The following ITSN1 variants were observed in gnomAD, a reference collection of about 807,000 sequenced individuals.
ITSN1 encodes intersectin 1, also known as intersectin-1.
Under a neutral mutation model 239.8 loss-of-function variants are expected in ITSN1, and 58 were observed. The observed-to-expected ratio is 0.24, with a 90% CI of 0.20 to 0.30. The LOEUF (loss-of-function observed/expected upper bound fraction) is 0.30. Ranked by LOEUF, ITSN1 falls within the 10% of genes least tolerant of loss-of-function variation. The pLI is 1.00. For missense variants in ITSN1, 1,558 were observed against 2,103.3 expected, an observed-to-expected ratio of 0.74 and a Z score of 5.07; for synonymous variants, 780 against 770.8, an observed-to-expected ratio of 1.01 and a Z score of -0.20.
At chr21:33,856,668 C>T in intron 29 of ITSN1, 68 bp from the exon 30 acceptor site, 1 of 1,606,020 alleles carries the variant, frequency 6.2e-7, no homozygotes, top group Admixed American at 1.7e-5. Context: ...CCACGAGGAT[C>T]TTCCGTGTGA....
intron 29 of ITSN1, among the ~76,000 whole-genome samples, chr21:33,852,576 A>T (rs1264803987): frequency 6.6e-6 from 1 of 152,176 alleles, no homozygotes; most frequent in Non-Finnish European, 1.5e-5. Context: ...AGACTCAAAA[A>T]ATCCTTCCAG....
rs185065206 is a variant in ITSN1, at chr21:33,707,487, T to A, written c.-32-11310T>A. Among the ~76,000 whole-genome samples the A allele has an allele frequency of 2.3e-3, 347 of 152,278 alleles. 1 individual carries two copies. The highest frequency in any genetic ancestry group is 8.1e-3 in the African/African-American group (337 of 41,564). ...TGAGCATATGCCTGTGAAATCATCA[T>A]TCCCAAGAGAGCAAACACTTCTGTT... On this transcript the variant is annotated intron_variant, in intron 1 of 39. Transcript: ENST00000381318.
At position 33,829,068 on chromosome 21, in the gene ITSN1, A is replaced by C. The variant is rs151166614; in HGVS notation, c.3230-556A>C. The C allele has an allele frequency of 2.4e-3, 1,104 of 461,146 alleles. 7 individuals carry two copies. Among genetic ancestry groups the C allele is most frequent in the African/African-American group, 0.02 (1,002 of 49,746 alleles). The allele number at this position is 461,146 out of a possible 1,614,324, so 28.6% of individuals were successfully genotyped here. A position where few individuals can be genotyped will look rare whatever the true frequency, so the allele number is the denominator to read the frequency against. On this transcript the variant is annotated intron_variant, in intron 26 of 39. Coordinates refer to ENST00000381318, the MANE Select transcript of ITSN1 (RefSeq NM_003024.3). ...CTCAAAATGTGAGCCATAAAGAAGA[A>C]GGCTGTGTCGTTGGGAGTGAGAATC...
chr21:33,806,706 A>AC (rs1332944988), intron 20 of ITSN1, among the ~76,000 whole-genome samples: 1 of 152,218 alleles, frequency 6.6e-6, no homozygotes, highest in Non-Finnish European at 1.5e-5. Context: ...CACTAGAATT[A>AC]CCCCCAAATA....
At chr21:33,679,698 CT>C (rs34301203) in intron 1 of ITSN1, among the ~76,000 whole-genome samples, 2,144 of 86,204 alleles carry the variant, frequency 0.025, 11 homozygotes, top group African/African-American at 0.095. Context: ...GATCCTTATC[CT>C]TTTTTTTTTT....
chr21:33,781,240 A>C lies in ITSN1; in HGVS notation c.1597-221A>C, dbSNP rs111636625. Among the ~76,000 whole-genome samples, 58 of 152,348 alleles carry C rather than the reference A, an allele frequency of 3.8e-4. 1 individual carries two copies. The highest frequency in any genetic ancestry group is 1.3e-3 in the African/African-American group (56 of 41,586). On this transcript the variant is annotated intron_variant, in intron 14 of 39. Coordinates refer to ENST00000381318, the MANE Select transcript of ITSN1 (RefSeq NM_003024.3). ...CGGTAAGTCAACAAAAATATAAGAAATATCAGGGAAGCTATAACTGTGTAG... is the reference window on the plus strand; with the variant it reads ...CGGTAAGTCAACAAAAATATAAGAACTATCAGGGAAGCTATAACTGTGTAG...
In ITSN1 at chr21:33,765,311, C is replaced by A. The variant is rs774139721; in HGVS notation, c.789-564C>A. Among the ~76,000 whole-genome samples, 19 of 152,186 alleles carry A rather than the reference C, an allele frequency of 1.2e-4. 1 individual carries two copies. Among genetic ancestry groups the A allele is most frequent in the Admixed American group, 1.2e-3 (18 of 15,282 alleles). On this transcript the variant is annotated intron_variant, in intron 9 of 39. Transcript: ENST00000381318. The stretch of plus-strand genomic sequence containing the variant: ...GGCCAGGACAGATCAGCCTGGGCAA[C>A]ACAGTGAGACCCCCATCTCTACAAA...
At chr21:33,851,778 C>CTTTT (rs35567402) in intron 29 of ITSN1, among the ~76,000 whole-genome samples, 10 of 66,204 alleles carry the variant, frequency 1.5e-4, no homozygotes, top group East Asian at 4.6e-4. Context: ...CTTTTCTTTC[C>CTTTT]TTTTTTTTTT....
intron 4 of ITSN1, among the ~76,000 whole-genome samples, chr21:33,731,069 A>G (rs188591279): frequency 6.6e-6 from 1 of 152,222 alleles, no homozygotes; most frequent in East Asian, 1.9e-4. Context: ...TTTATTGAGA[A>G]AAGCGTTTTT....
intron 29 of ITSN1, chr21:33,836,897 C>A: frequency 1.0e-6 from 1 of 997,926 alleles, no homozygotes; most frequent in Non-Finnish European, 1.6e-6. Flanking sequence ...ATTTTGGCAC[C>A]ATGCTGTTTA....
intron 4 of ITSN1, among the ~76,000 whole-genome samples, chr21:33,723,275 C>T (rs2065608728): frequency 6.6e-6 from 1 of 152,150 alleles, no homozygotes; most frequent in Non-Finnish European, 1.5e-5. Context: ...CTTAATACTT[C>T]ACTTCCCTGA....
intron 1 of ITSN1, chr21:33,643,257 C>T (rs957948058): frequency 6.6e-6 from 1 of 151,560 alleles, no homozygotes; most frequent in Non-Finnish European, 1.5e-5. Flanking sequence ...CAGGCAATGC[C>T]GTTCGGCCCC....
chr21:33,722,567 C>CT lies in ITSN1; in HGVS notation c.122-16dup. On this transcript the variant is annotated intron_variant, in intron 3 of 39. Transcript: ENST00000381318. The stretch of plus-strand genomic sequence containing the variant: ...TTGTTTTTTTTTTTTTTTCCTGAAA[C>CT]TTTTTCTGTTTAATTTACAGGTGAT... 10 of 1,278,524 alleles carry CT rather than the reference C, an allele frequency of 7.8e-6. No homozygotes were observed. The African/African-American group carries it at 9.9e-5, about 13-fold the overall frequency. The allele number at this position is 1,278,524 out of a possible 1,614,324, so 79.2% of individuals were successfully genotyped here.
chr21:33,690,922 A>G (rs570470164), intron 1 of ITSN1, among the ~76,000 whole-genome samples: 113 of 147,466 alleles, frequency 7.7e-4, no homozygotes, highest in Non-Finnish European at 1.5e-3. Context: ...GCCATGGGCA[A>G]GTCCTGTTTC....
chr21:33,867,199 T>C (rs1414308759), intron 32 of ITSN1, 34 bp from the exon 33 acceptor site: 1 of 1,383,688 alleles, frequency 7.2e-7, no homozygotes, highest in South Asian at 1.2e-5. Flanking sequence ...ATTTTGCAAG[T>C]TTCTTAAGTA....
At chr21:33,824,156 TG>T (rs200131381) in intron 25 of ITSN1, among the ~76,000 whole-genome samples, 4,363 of 152,340 alleles carry the variant, frequency 0.029, 69 homozygotes, top group Non-Finnish European at 0.044. Flanking sequence ...GGTACACTTT[TG>T]GCTAGGCCTT....
chr21:33,837,357 CAAAAT>C (rs1377919638), intron 29 of ITSN1: 20 of 999,846 alleles, frequency 2.0e-5, no homozygotes, highest in Admixed American at 5.8e-5. Flanking sequence ...TTTTAATAAA[CAAAAT>C]AAATAAATGA....
intron 14 of ITSN1, among the ~76,000 whole-genome samples, chr21:33,779,160 A>G (rs868396884): frequency 7.0e-6 from 1 of 143,830 alleles, no homozygotes; most frequent in Non-Finnish European, 1.5e-5. Context: ...TCTCTGTGGT[A>G]TGTCTGTTTT....
intron 1 of ITSN1, among the ~76,000 whole-genome samples, chr21:33,704,601 G>A (rs1405081646): frequency 6.6e-6 from 1 of 152,076 alleles, no homozygotes; most frequent in Non-Finnish European, 1.5e-5. Flanking sequence ...GCTAATATAG[G>A]TCAGGTGTAC....
Sources: gnomAD v4.1 joint callset for allele counts (sites outside exome capture counted in the v4.1 genomes callset) on GRCh38, gnomAD v4.1.1 for gene constraint, MANE v1.5 for transcripts, NCBI Gene and HGNC (gene_info 2026-07-23, HGNC 2026-07-21) for gene names.